The following GOT1 variants were observed in gnomAD, a reference collection of about 807,000 sequenced individuals.
GOT1 encodes the protein aspartate aminotransferase, cytoplasmic.
In GOT1, 25 loss-of-function variants were observed where a neutral mutation model predicts 48.2. That is an observed-to-expected ratio of 0.52 (90% CI 0.38 to 0.72). GOT1 has a LOEUF of 0.72. Among genes scored for constraint, GOT1 ranks in the 30% least tolerant of loss-of-function variants. The pLI is 0.00. For synonymous variants in GOT1, 188 were observed against 193.8 expected (o/e 0.97, Z 0.25); for missense variants, 380 against 520.1 (o/e 0.73, Z 2.62).
intron 1 of GOT1, among the ~76,000 whole-genome samples, chr10:99,428,803 A>G (rs2033073753): frequency 6.6e-6 from 1 of 152,240 alleles, no homozygotes; most frequent in Non-Finnish European, 1.5e-5. Context: ...AATTTGAGGC[A>G]ATCTTTCAAC....
chr10:99,404,786 C>G (rs1157603596), intron 5 of GOT1, among the ~76,000 whole-genome samples: 1 of 152,124 alleles, frequency 6.6e-6, no homozygotes, highest in African/African-American at 2.4e-5. Flanking sequence ...AGCACAGACC[C>G]TGCCCCTATT....
intron 2 of GOT1, among the ~76,000 whole-genome samples, chr10:99,413,370 TGAGAA>T (rs2032852296): frequency 6.6e-6 from 1 of 151,830 alleles, no homozygotes; most frequent in African/African-American, 2.4e-5. Context: ...TGAAATGAAG[TGAGAA>T]GAGAAGTTTA....
At chr10:99,398,857 A>T (rs1031834515) in intron 8 of GOT1, among the ~76,000 whole-genome samples, 2 of 152,168 alleles carry the variant, frequency 1.3e-5, no homozygotes, top group Non-Finnish European at 2.9e-5. Context: ...CCCATTTTAC[A>T]GATAGGCCAT....
intron 8 of GOT1, among the ~76,000 whole-genome samples, chr10:99,398,681 A>AG (rs1321411467): frequency 6.6e-6 from 1 of 152,060 alleles, no homozygotes; most frequent in Admixed American, 6.6e-5. Flanking sequence ...AAAAAAAAAA[A>AG]GAATTTTAGT....
chr10:99,428,355 T>G (rs931460460), intron 1 of GOT1, among the ~76,000 whole-genome samples: 22 of 150,986 alleles, frequency 1.5e-4, no homozygotes, highest in South Asian at 8.4e-4. Context: ...GGTTTTTTGT[T>G]TTTTTTTTTC....
rs2032751786 is a variant in GOT1 at position 99,406,119 on chromosome 10, T to G, written c.537+18A>C. On this transcript the variant is annotated intron_variant, in intron 4 of 8. Coordinates refer to ENST00000370508, the MANE Select transcript of GOT1 (RefSeq NM_002079.3). ...CTGACACCATGCAATTCTCTACTTTTTCCTCTAAATCACCCACCTCCAGAT... is the reference window on the plus strand; with the variant it reads ...CTGACACCATGCAATTCTCTACTTTGTCCTCTAAATCACCCACCTCCAGAT... The G allele has an allele frequency of 1.3e-6, 2 of 1,501,368 alleles. No individual in the cohort carries two copies. Among genetic ancestry groups the G allele is most frequent in the South Asian group, 2.3e-5 (2 of 88,818 alleles). The allele number at this position is 1,501,368 out of a possible 1,614,324, so 93.0% of individuals were successfully genotyped here.
At chr10:99,426,618 C>G (rs1289377249) in intron 1 of GOT1, among the ~76,000 whole-genome samples, 1 of 152,158 alleles carries the variant, frequency 6.6e-6, no homozygotes, top group East Asian at 1.9e-4. Context: ...CAGGTTGCAC[C>G]AGGTTGGATC....
rs1320033310 is a variant in GOT1, at chr10:99,397,400, G to T, written c.*147C>A. ...TCAAGGGATGTTCTCTTCATGTGGG[G>T]CCGGTTTAAACAGAGGCTGCCTCAC... On this transcript the variant is annotated 3_prime_UTR_variant, in exon 9 of 9. Coordinates refer to ENST00000370508, the MANE Select transcript of GOT1 (RefSeq NM_002079.3). This position sits in a 1 kb window ranked among gnomAD's most constrained non-coding sequence, Gnocchi z 5.4. 29 of 783,694 alleles carry T rather than the reference G, an allele frequency of 3.7e-5. No homozygotes were observed. In the East Asian group the frequency reaches 6.9e-4, roughly 19 times the overall value. The allele number at this position is 783,694 out of a possible 1,614,324, so 48.5% of individuals were successfully genotyped here.
chr10:99,430,365 G>C (rs1385179793), intron 1 of GOT1, 83 bp downstream of exon 1: 4 of 1,607,580 alleles, frequency 2.5e-6, no homozygotes, highest in Non-Finnish European at 3.4e-6. Flanking sequence ...ACTGGGCCTC[G>C]GCTTCTCCCA....
At position 99,417,503 on chromosome 10, in the gene GOT1, G is replaced by A. The variant is rs538891169; in HGVS notation, c.300+3121C>T. Among the ~76,000 whole-genome samples the A allele has an allele frequency of 7.9e-5, 12 of 152,302 alleles. No individual in the cohort carries two copies. In the South Asian group the frequency reaches 8.3e-4, roughly 11 times the overall value. On this transcript the variant is annotated intron_variant, in intron 2 of 8. Transcript: ENST00000370508. ...GGTGGGACTGTAAACTAGTTCAACC[G>A]TTGTGGAAGATAGTGTGGTGATTCC...
At chr10:99,403,381 T>A (rs2032709287) in intron 7 of GOT1, 88 bp downstream of exon 7, 2 of 1,087,048 alleles carry the variant, frequency 1.8e-6, no homozygotes, top group Non-Finnish European at 2.7e-6. Flanking sequence ...TCTGCCAAAA[T>A]GAAAGGAAGA....
chr10:99,404,776 A>G (rs1051476616), intron 5 of GOT1, among the ~76,000 whole-genome samples: 1 of 152,136 alleles, frequency 6.6e-6, no homozygotes, highest in African/African-American at 2.4e-5. Context: ...TCCAAGCCTC[A>G]GCACAGACCC....
Position 99,406,753 on chromosome 10 carries a change from G to T in GOT1, c.397C>A (p.Pro133Thr), listed in dbSNP as rs749267346. 9.9e-6 allele frequency: 16 copies of T among 1,613,842 alleles called. No individual in the cohort carries two copies. In the East Asian group the frequency reaches 3.6e-4, roughly 36 times the overall value. Reference protein sequence around the residue: ...WYNGTNNKNTPVYVSSPTWEN... With the variant: ...WYNGTNNKNTTVYVSSPTWEN... ...CAGGTTGGTGAGGACACATAGACAGGTGTGTTCTTGTTGTTTGTTCCATTG... is the reference window on the plus strand; with the variant it reads ...CAGGTTGGTGAGGACACATAGACAGTTGTGTTCTTGTTGTTTGTTCCATTG... The change falls in exon 3 of 9, where the codon CCT (proline) becomes ACT (threonine). Residue 133 changes from proline to threonine, a missense_variant. Physicochemically the swap from Pro to Thr is conservative, Grantham distance 38. Coordinates refer to ENST00000370508, the MANE Select transcript of GOT1 (RefSeq NM_002079.3).
At position 99,397,478 on chromosome 10, in the gene GOT1, A is replaced by G. The variant is rs1468041118; in HGVS notation, c.*69T>C. 4.7e-6 allele frequency: 7 copies of G among 1,481,282 alleles called. No individual in the cohort carries two copies. Among genetic ancestry groups the G allele is most frequent in the Admixed American group, 3.3e-5 (2 of 59,712 alleles). The allele number at this position is 1,481,282 out of a possible 1,614,324, so 91.8% of individuals were successfully genotyped here. On this transcript the variant is annotated 3_prime_UTR_variant, in exon 9 of 9. Coordinates refer to ENST00000370508, the MANE Select transcript of GOT1 (RefSeq NM_002079.3). The surrounding 1 kb of genome is among the most constrained non-coding windows in gnomAD (Gnocchi z 5.4). Reference sequence around the variant, plus strand: ...TCTCTAATCCATGGTATGTACATGTAGGTTTGTGCAGGCAGGGAACACACA... The same window carrying G: ...TCTCTAATCCATGGTATGTACATGTGGGTTTGTGCAGGCAGGGAACACACA...
chr10:99,430,268 C>T lies in GOT1; in HGVS notation c.118+180G>A, dbSNP rs764979242. The T allele has an allele frequency of 2.6e-6, 4 of 1,536,288 alleles. No homozygotes were observed. In the African/African-American group the frequency reaches 4.1e-5, roughly 16 times the overall value. The stretch of plus-strand genomic sequence containing the variant: ...ACATCGCCCCTTTCCAGGGACTCCA[C>T]ACCTGCATCTGTAAAATGGGCAGGT... On this transcript the variant is annotated intron_variant, in intron 1 of 8. Transcript: ENST00000370508.
chr10:99,416,044 T>C (rs1313778204), intron 2 of GOT1, among the ~76,000 whole-genome samples: 1 of 152,132 alleles, frequency 6.6e-6, no homozygotes, highest in Non-Finnish European at 1.5e-5. Context: ...GACAGGGATG[T>C]CCTCTCTCAC....
chr10:99,400,046 TTTTG>T (rs1371138184), intron 8 of GOT1, among the ~76,000 whole-genome samples: 1 of 152,152 alleles, frequency 6.6e-6, no homozygotes, highest in Non-Finnish European at 1.5e-5. Flanking sequence ...TGGCTTTTGG[TTTTG>T]TTTTAGTAAA....
intron 1 of GOT1, among the ~76,000 whole-genome samples, chr10:99,428,343 G>T (rs776146094): frequency 6.6e-6 from 1 of 151,474 alleles, no homozygotes; most frequent in Non-Finnish European, 1.5e-5. Flanking sequence ...TAAATCTGAC[G>T]TGGTTTTTTG....
chr10:99,426,998 T>A (rs1357858951), intron 1 of GOT1, among the ~76,000 whole-genome samples: 1 of 152,172 alleles, frequency 6.6e-6, no homozygotes, highest in Admixed American at 6.5e-5. Context: ...CTAGGACATA[T>A]AACGGCTGGA....
Sources: allele counts gnomAD v4.1 joint callset (sites outside exome capture counted in the v4.1 genomes callset), GRCh38; gene constraint gnomAD v4.1.1; non-coding constraint Gnocchi (gnomAD v3.1); transcripts MANE v1.5; gene names NCBI Gene and HGNC (gene_info 2026-07-23, HGNC 2026-07-21).